The following FTO variants were observed in gnomAD, a reference collection of about 807,000 sequenced individuals.
FTO encodes FTO alpha-ketoglutarate dependent dioxygenase, also known as alpha-ketoglutarate-dependent dioxygenase FTO.
Under a neutral mutation model 63.9 loss-of-function variants are expected in FTO, and 47 were observed. The ratio of observed to expected loss-of-function variants is 0.74; its 90% CI spans 0.58 to 0.94. The LOEUF is 0.94. Ranked by LOEUF, FTO falls within the 40% of genes least tolerant of loss-of-function variation. FTO has a pLI of 0.00. For missense variants in FTO, 562 were observed against 618.1 expected (o/e 0.91, Z 0.96); for synonymous variants, 207 against 224.4 (o/e 0.92, Z 0.69).
At chr16:53,726,196 G>A (rs190908394) in intron 1 of FTO, among the ~76,000 whole-genome samples, 38 of 152,170 alleles carry the variant, frequency 2.5e-4, no homozygotes, top group African/African-American at 7.9e-4. Context: ...AATATAAAAC[G>A]TGTCGATGAA....
At chr16:54,004,349 A>AC (rs2084142679) in intron 8 of FTO, among the ~76,000 whole-genome samples, 1 of 151,882 alleles carries the variant, frequency 6.6e-6, no homozygotes, top group Non-Finnish European at 1.5e-5. Context: ...TTATGAAGGG[A>AC]CCCACTGCAC....
intron 1 of FTO, among the ~76,000 whole-genome samples, chr16:53,765,447 C>T (rs1260684158): frequency 1.3e-5 from 2 of 150,830 alleles, no homozygotes; most frequent in Non-Finnish European, 1.5e-5. Context: ...CCCAGCTACT[C>T]GGGAGGCTGA....
intron 8 of FTO, among the ~76,000 whole-genome samples, chr16:53,939,810 C>T (rs142987393): frequency 1.3e-5 from 2 of 152,246 alleles, no homozygotes; most frequent in Non-Finnish European, 2.9e-5. Context: ...TTTTTTACTG[C>T]TGAATAATAT....
intron 4 of FTO, among the ~76,000 whole-genome samples, chr16:53,854,948 A>C (rs746957723): frequency 1.3e-5 from 2 of 151,946 alleles, no homozygotes; most frequent in African/African-American, 2.4e-5. Flanking sequence ...TGTGTCATCT[A>C]TGATTTCTTT....
At chr16:54,079,149 A>G (rs1156423391) in intron 8 of FTO, among the ~76,000 whole-genome samples, 1 of 152,226 alleles carries the variant, frequency 6.6e-6, no homozygotes, top group Non-Finnish European at 1.5e-5. Context: ...ATTTGTTATA[A>G]AAGACAGATA....
intron 3 of FTO, among the ~76,000 whole-genome samples, chr16:53,842,857 T>C (rs758508901): frequency 4.6e-5 from 7 of 152,048 alleles, no homozygotes; most frequent in Middle Eastern, 3.2e-3. Flanking sequence ...TTACTTTTTG[T>C]AGAGGTAGGG....
At chr16:54,104,662 A>T (rs1291662007) in intron 8 of FTO, among the ~76,000 whole-genome samples, 1 of 152,130 alleles carries the variant, frequency 6.6e-6, no homozygotes, top group Non-Finnish European at 1.5e-5. Context: ...ACATTAGGAG[A>T]ATGCATTATC....
chr16:53,791,829 T>A (rs1480343300), intron 1 of FTO, among the ~76,000 whole-genome samples: 3 of 152,104 alleles, frequency 2.0e-5, no homozygotes, highest in Admixed American at 2.0e-4. Flanking sequence ...ATCCCAGCAC[T>A]TTGGGAGGCC....
intron 8 of FTO, among the ~76,000 whole-genome samples, chr16:54,086,994 G>C (rs1010298330): frequency 6.6e-6 from 1 of 152,192 alleles, no homozygotes; most frequent in Non-Finnish European, 1.5e-5. Flanking sequence ...ACTTGCTTGG[G>C]CCTCTTGTGC....
chr16:53,942,594 G>T (rs539871815), intron 8 of FTO, among the ~76,000 whole-genome samples: 2 of 152,350 alleles, frequency 1.3e-5, no homozygotes, highest in Admixed American at 1.3e-4. Context: ...CTTCCAGTCT[G>T]TAGGCAGCTG....
chr16:53,837,578 C>T (rs920130834), intron 3 of FTO, among the ~76,000 whole-genome samples: 4 of 152,078 alleles, frequency 2.6e-5, no homozygotes, highest in Non-Finnish European at 5.9e-5. Flanking sequence ...TGCTCCGTGG[C>T]TGAGAAGGAG....
chr16:53,895,785 C>G (rs913595253), intron 7 of FTO, among the ~76,000 whole-genome samples: 1 of 152,152 alleles, frequency 6.6e-6, no homozygotes, highest in African/African-American at 2.4e-5. Context: ...AGTGCCTCTG[C>G]TCTGCACACA....
intron 8 of FTO, 51 bp from the exon 9 acceptor site, chr16:54,111,711 T>C (rs773165857): frequency 6.2e-6 from 10 of 1,607,768 alleles, no homozygotes; most frequent in Middle Eastern, 1.7e-4. Flanking sequence ...TGGGTTGGGG[T>C]CTTCTGGGGG....
chr16:54,048,488 C>A (rs987551087), intron 8 of FTO, among the ~76,000 whole-genome samples: 5 of 151,912 alleles, frequency 3.3e-5, no homozygotes, highest in Non-Finnish European at 4.4e-5. Context: ...ATTAATTGAG[C>A]AAAAAAAGTG....
chr16:53,932,779 A>G (rs113725140), intron 7 of FTO, among the ~76,000 whole-genome samples: 85 of 152,318 alleles, frequency 5.6e-4, no homozygotes, highest in Non-Finnish European at 7.2e-4. Context: ...GGCCTCGGAA[A>G]GTTCTGGAAA....
At chr16:53,900,196 C>T (rs912802814) in intron 7 of FTO, among the ~76,000 whole-genome samples, 3 of 152,160 alleles carry the variant, frequency 2.0e-5, no homozygotes, top group African/African-American at 7.2e-5. Flanking sequence ...CAGGATCTGT[C>T]TTTTAATTTT....
chr16:54,066,653 CT>C (rs1253086528), intron 8 of FTO, among the ~76,000 whole-genome samples: 12 of 152,236 alleles, frequency 7.9e-5, no homozygotes, highest in African/African-American at 1.9e-4. Context: ...GATCCTGGCA[CT>C]GCCCACCATT....
intron 6 of FTO, among the ~76,000 whole-genome samples, chr16:53,888,154 C>G (rs776418746): frequency 6.6e-6 from 1 of 152,026 alleles, no homozygotes; most frequent in Non-Finnish European, 1.5e-5. Flanking sequence ...GAAAACCCCT[C>G]TCTGGCGTGA....
At chr16:53,960,192 C>A (rs373928221) in intron 8 of FTO, among the ~76,000 whole-genome samples, 3 of 152,124 alleles carry the variant, frequency 2.0e-5, no homozygotes, top group Non-Finnish European at 4.4e-5. Flanking sequence ...TCTCAAAATA[C>A]GTTCAGAGAA....
Sources: allele counts gnomAD v4.1 joint callset (sites outside exome capture counted in the v4.1 genomes callset), GRCh38; gene constraint gnomAD v4.1.1; transcripts MANE v1.5; gene names NCBI Gene and HGNC (gene_info 2026-07-23, HGNC 2026-07-21).